The following SPATA31H1 variants were observed in gnomAD, a reference collection of about 807,000 sequenced individuals.
The protein encoded by SPATA31H1 is spermatogenesis-associated protein 31H1.
the SPATA31H1 span, among the ~76,000 whole-genome samples, chr2:27,562,182 C>G: frequency 6.6e-6 from 1 of 152,062 alleles, no homozygotes; most frequent in African/African-American, 2.4e-5. Context: ...ACAGCAAGTC[C>G]CTCCTTTGCT....
chr2:27,550,492 C>T, the SPATA31H1 span, among the ~76,000 whole-genome samples: 1,583 of 143,278 alleles, frequency 0.011, 17 homozygotes, highest in Non-Finnish European at 0.015. Context: ...AATCTCTGCT[C>T]ACTGCAACCT....
the SPATA31H1 span, chr2:27,582,040 G>T: frequency 1.2e-6 from 2 of 1,613,786 alleles, no homozygotes. Context: ...AGGAGCCATC[G>T]CAGTCCCTCT....
chr2:27,541,546 T>TGAAC, the SPATA31H1 span, among the ~76,000 whole-genome samples: 4 of 151,994 alleles, frequency 2.6e-5, no homozygotes, highest in Non-Finnish European at 5.9e-5. Flanking sequence ...GTTTGTGAAA[T>TGAAC]GAACGAACGA....
chr2:27,578,971 G>C, the SPATA31H1 span: 6 of 1,613,858 alleles, frequency 3.7e-6, no homozygotes, highest in Admixed American at 3.3e-5. Flanking sequence ...CATAATCAAA[G>C]CTCCGATAAG....
At chr2:27,581,939 C>T in the SPATA31H1 span, 2 of 1,612,764 alleles carry the variant, frequency 1.2e-6, no homozygotes, top group African/African-American at 2.7e-5. Flanking sequence ...CAGAGAAAAG[C>T]CATCACAGTC....
At chr2:27,566,329 C>T in the SPATA31H1 span, 2 of 717,434 alleles carry the variant, frequency 2.8e-6, no homozygotes, top group Non-Finnish European at 5.2e-6. Flanking sequence ...GGAATATATA[C>T]TCTGGTCAAT....
At chr2:27,552,721 G>T in the SPATA31H1 span, among the ~76,000 whole-genome samples, 1 of 151,992 alleles carries the variant, frequency 6.6e-6, no homozygotes, top group Admixed American at 6.5e-5. Flanking sequence ...CCATGAACAA[G>T]GGATGTCTTT....
chr2:27,560,503 G>T, the SPATA31H1 span, among the ~76,000 whole-genome samples: 1 of 151,230 alleles, frequency 6.6e-6, no homozygotes, highest in Non-Finnish European at 1.5e-5. Context: ...TGTCACCCAG[G>T]CTGGAGTGCA....
At chr2:27,572,739 T>A in the SPATA31H1 span, 4 of 397,378 alleles carry the variant, frequency 1.0e-5, no homozygotes, top group Non-Finnish European at 1.8e-5. Context: ...TGGTTCACAA[T>A]CTCAAGGTGT....
the SPATA31H1 span, chr2:27,581,320 A>C: frequency 6.2e-7 from 1 of 1,610,932 alleles, no homozygotes. Flanking sequence ...AGAAGACATC[A>C]CAGTCCCTCT....
the SPATA31H1 span, chr2:27,576,909 T>G: frequency 1.2e-6 from 2 of 1,613,906 alleles, no homozygotes; most frequent in East Asian, 2.2e-5. Context: ...AAGAACAAAT[T>G]ATCAAATCAT....
chr2:27,576,062 G>T, the SPATA31H1 span: 3 of 399,534 alleles, frequency 7.5e-6, no homozygotes. Flanking sequence ...GCAACCCTGG[G>T]CCACAGGTGC....
At chr2:27,582,333 T>C in the SPATA31H1 span, 14 of 1,614,032 alleles carry the variant, frequency 8.7e-6, no homozygotes, top group Non-Finnish European at 1.2e-5. Context: ...AGGGAGGCCC[T>C]CTGGGAGGAA....
the SPATA31H1 span, among the ~76,000 whole-genome samples, chr2:27,546,694 G>A: frequency 6.6e-6 from 1 of 151,778 alleles, no homozygotes; most frequent in African/African-American, 2.4e-5. Context: ...CACCACACCT[G>A]GCTAATTTTT....
the SPATA31H1 span, chr2:27,582,095 T>G: frequency 6.2e-7 from 1 of 1,612,502 alleles, no homozygotes; most frequent in Non-Finnish European, 8.5e-7. Flanking sequence ...ATCGTAGGAT[T>G]TCTGAGAGAA....
the SPATA31H1 span, among the ~76,000 whole-genome samples, chr2:27,564,200 G>A: frequency 6.6e-6 from 1 of 152,166 alleles, no homozygotes; most frequent in Non-Finnish European, 1.5e-5. Context: ...TCTCAGAGAA[G>A]GTGTTTTTTG....
chr2:27,582,646 ATT>A, the SPATA31H1 span: 1 of 1,016,346 alleles, frequency 9.8e-7, no homozygotes, highest in Non-Finnish European at 1.4e-6. Flanking sequence ...AAAGGCTTCC[ATT>A]TCTCTCTACC....
At chr2:27,556,188 T>A in the SPATA31H1 span, among the ~76,000 whole-genome samples, 1 of 150,496 alleles carries the variant, frequency 6.6e-6, no homozygotes, top group Non-Finnish European at 1.5e-5. Context: ...CATTCTGTAG[T>A]GTACTTAAGT....
the SPATA31H1 span, among the ~76,000 whole-genome samples, chr2:27,553,675 A>C: frequency 6.6e-6 from 1 of 151,948 alleles, no homozygotes; most frequent in South Asian, 2.1e-4. Flanking sequence ...TAATCCCAGC[A>C]CTTTGGGAGG....
Sources: allele counts gnomAD v4.1 joint callset (sites outside exome capture counted in the v4.1 genomes callset), GRCh38; gene constraint gnomAD v4.1.1; transcripts MANE v1.5; gene names NCBI Gene and HGNC (gene_info 2026-07-23, HGNC 2026-07-21).